The following WT1 variants were observed in gnomAD, a reference collection of about 807,000 sequenced individuals.
WT1 encodes WT1 transcription factor, also known as Wilms tumor protein.
Under a neutral mutation model 60.8 loss-of-function variants are expected in WT1, and 8 were observed. The observed-to-expected ratio is 0.13, with a 90% CI of 0.08 to 0.24. WT1 has a LOEUF of 0.24. Among genes scored for constraint, WT1 ranks in the 10% least tolerant of loss-of-function variants. WT1 has a pLI of 1.00. For synonymous variants in WT1, 312 were observed against 297.1 expected, an observed-to-expected ratio of 1.05 and a Z score of -0.52; for missense variants, 568 against 711.8, an observed-to-expected ratio of 0.80 and a Z score of 2.30.
At chr11:32,399,040 C>A (rs956510159) in intron 6 of WT1, among the ~76,000 whole-genome samples, 4 of 151,118 alleles carry the variant, frequency 2.6e-5, no homozygotes, top group Admixed American at 1.3e-4. Context: ...CCTGTAGTCC[C>A]AGCTACTCGG....
At position 32,430,122 on chromosome 11, in the gene WT1, T is replaced by C. The variant is rs1590399719; in HGVS notation, c.662-1503A>G. On this transcript the variant is annotated intron_variant, in intron 1 of 9. Coordinates refer to ENST00000452863, the MANE Select transcript of WT1 (RefSeq NM_024426.6). Reference sequence around the variant, plus strand: ...GATAGTACAGGTCCAGGCTTAAGTCTCACACACTGCTCAGCACCACACACT... The same window carrying C: ...GATAGTACAGGTCCAGGCTTAAGTCCCACACACTGCTCAGCACCACACACT... Among the ~76,000 whole-genome samples, 5 of 152,034 alleles carry C rather than the reference T, an allele frequency of 3.3e-5. No individual in the cohort carries two copies. In the South Asian group the frequency reaches 1.0e-3, roughly 32 times the overall value.
At chr11:32,413,480 A>C (rs888004616) in intron 5 of WT1, among the ~76,000 whole-genome samples, 1 of 152,180 alleles carries the variant, frequency 6.6e-6, no homozygotes, top group African/African-American at 2.4e-5. Flanking sequence ...GGAAAGGCCA[A>C]ACTTTCTACT....
At chr11:32,427,872 G>A in intron 3 of WT1, 84 bp downstream of exon 3, 2 of 1,371,602 alleles carry the variant, frequency 1.5e-6, no homozygotes, top group Non-Finnish European at 2.0e-6. Flanking sequence ...AGGGCTGCCC[G>A]GCTGGGGCGT....
chr11:32,411,399 G>C (rs575284921), intron 5 of WT1, among the ~76,000 whole-genome samples: 29 of 152,292 alleles, frequency 1.9e-4, no homozygotes, highest in African/African-American at 6.7e-4. Context: ...CTTCGTGATG[G>C]CCTATAAATA....
At chr11:32,405,783 T>C (rs1465377300) in intron 5 of WT1, among the ~76,000 whole-genome samples, 2 of 152,152 alleles carry the variant, frequency 1.3e-5, no homozygotes, top group African/African-American at 4.8e-5. Flanking sequence ...TTATCCCCAT[T>C]TTACAGCAAA....
chr11:32,426,962 T>C (rs867360595), intron 3 of WT1, among the ~76,000 whole-genome samples: 5 of 152,090 alleles, frequency 3.3e-5, no homozygotes, highest in African/African-American at 1.2e-4. Flanking sequence ...CGCTTTTCCT[T>C]CCTTCATGAC....
At chr11:32,429,806 A>C (rs1409275315) in intron 1 of WT1, among the ~76,000 whole-genome samples, 1 of 151,894 alleles carries the variant, frequency 6.6e-6, no homozygotes, top group Admixed American at 6.6e-5. Flanking sequence ...CAAAATTCTC[A>C]GGAGTAAATT....
chr11:32,428,103 C>T lies in WT1; in HGVS notation c.785-45G>A, dbSNP rs199499324. The stretch of plus-strand genomic sequence containing the variant: ...CAGCTGAGCGAGTGCGCCCCAAGGG[C>T]TCGGGGTGCGAGGCTGCGGGCAGGG... On this transcript the variant is annotated intron_variant, in intron 2 of 9. Transcript: ENST00000452863. 4.2e-5 allele frequency: 64 copies of T among 1,534,726 alleles called. No homozygotes were observed. In the East Asian group the frequency reaches 6.9e-4, roughly 17 times the overall value.
At chr11:32,408,194 A>C (rs1346824970) in intron 5 of WT1, among the ~76,000 whole-genome samples, 2 of 146,898 alleles carry the variant, frequency 1.4e-5, no homozygotes, top group African/African-American at 5.1e-5. Context: ...GCCTGGCTAC[A>C]GAGTGAAACT....
rs763551837 is a variant in WT1, at chr11:32,389,149, C to G, written c.1478G>C (p.Ser493Thr). 1.2e-6 allele frequency: 2 copies of G among 1,614,222 alleles called. No individual in the cohort carries two copies. Among genetic ancestry groups the G allele is most frequent in the Non-Finnish European group, 8.5e-7 (1 of 1,180,042 alleles). ...TGACCGGGCAAACTTTTTCTGACAA[C>G]TTGGCCACCGACAGCTGAAGGGCTT... Residue 493 changes from serine to threonine, a missense_variant, in exon 10 of 10, where the codon AGT (serine) becomes ACT (threonine). By Grantham distance (58) the Ser-to-Thr change is moderately conservative. Transcript: ENST00000452863.
intron 3 of WT1, among the ~76,000 whole-genome samples, chr11:32,423,184 CCT>C (rs1445012470): frequency 6.6e-6 from 1 of 152,228 alleles, no homozygotes; most frequent in Non-Finnish European, 1.5e-5. Context: ...AGAACTTTTC[CCT>C]GGTACCTTCC....
intron 1 of WT1, chr11:32,430,719 G>C: frequency 7.2e-7 from 1 of 1,394,056 alleles, no homozygotes; most frequent in Non-Finnish European, 9.3e-7. Context: ...GCCCTCCTAG[G>C]CCTCCTCCCA....
intron 5 of WT1, among the ~76,000 whole-genome samples, chr11:32,405,887 T>C (rs1401071968): frequency 1.3e-5 from 2 of 152,240 alleles, no homozygotes; most frequent in Non-Finnish European, 2.9e-5. Flanking sequence ...GTGCTTTTCT[T>C]CCTTCCAAAT....
intron 6 of WT1, among the ~76,000 whole-genome samples, chr11:32,399,016 C>T (rs1017076150): frequency 5.3e-5 from 8 of 151,534 alleles, no homozygotes; most frequent in African/African-American, 7.3e-5. Context: ...ATTAGCCAGG[C>T]GTGGTGGTGG....
chr11:32,392,539 G>A (rs1017510717), intron 8 of WT1, 127 bp downstream of exon 8: 1 of 923,408 alleles, frequency 1.1e-6, no homozygotes, highest in African/African-American at 1.6e-5. Context: ...GATTATGGGG[G>A]GAAAATACTG....
At chr11:32,405,330 A>G (rs1852275249) in intron 5 of WT1, among the ~76,000 whole-genome samples, 1 of 152,122 alleles carries the variant, frequency 6.6e-6, no homozygotes, top group African/African-American at 2.4e-5. Context: ...AGAGCACCTG[A>G]GTTATAAGTT....
intron 5 of WT1, among the ~76,000 whole-genome samples, chr11:32,415,533 A>C (rs1448798791): frequency 1.3e-5 from 2 of 152,254 alleles, no homozygotes; most frequent in African/African-American, 2.4e-5. Context: ...CTGTAATCCC[A>C]GCTACTGGGG....
At chr11:32,393,913 G>C (rs1418650967) in intron 7 of WT1, among the ~76,000 whole-genome samples, 2 of 152,088 alleles carry the variant, frequency 1.3e-5, no homozygotes, top group Admixed American at 6.6e-5. Flanking sequence ...TTTTCTCAGA[G>C]ACAGAGTCTC....
chr11:32,415,219 CA>C (rs1344858210), intron 5 of WT1, among the ~76,000 whole-genome samples: 17 of 152,202 alleles, frequency 1.1e-4, no homozygotes, highest in African/African-American at 3.9e-4. Context: ...GCTCACTTCA[CA>C]ATCATGTTCT....
Sources: gnomAD v4.1 joint callset for allele counts (sites outside exome capture counted in the v4.1 genomes callset) on GRCh38, gnomAD v4.1.1 for gene constraint, MANE v1.5 for transcripts, NCBI Gene and HGNC (gene_info 2026-07-23, HGNC 2026-07-21) for gene names.